The following RHPN2 variants were observed in gnomAD, a reference collection of about 807,000 sequenced individuals.
RHPN2 encodes rhophilin-2.
RHPN2 carries 40 observed loss-of-function variants against 79.0 expected under a neutral mutation model. The observed-to-expected ratio is 0.51, with a 90% CI of 0.39 to 0.66. RHPN2 has a LOEUF of 0.66. Ranked by LOEUF, RHPN2 falls within the 30% of genes least tolerant of loss-of-function variation. The pLI, the probability that RHPN2 is intolerant of heterozygous loss-of-function variation, is 0.00. For synonymous variants in RHPN2, 285 were observed against 363.5 expected, an observed-to-expected ratio of 0.78 and a Z score of 2.46; for missense variants, 686 against 883.5, an observed-to-expected ratio of 0.78 and a Z score of 2.83.
chr19:32,990,164 AGAGC>A lies in RHPN2; in HGVS notation c.1800+346_1800+349del, dbSNP rs140020786. ...AAGAAAGAAAGAAAGAAAGAAAGAA[AGAGC>A]GAGCCAGGGGTGGTAGTGGGTGCCT... On this transcript the variant is annotated intron_variant, in intron 14 of 14. Coordinates refer to ENST00000254260, the MANE Select transcript of RHPN2 (RefSeq NM_033103.5). 2.6e-3 allele frequency among the ~76,000 whole-genome samples: 125 copies of A among 48,014 alleles called. 1 individual carries two copies. Among genetic ancestry groups the A allele is most frequent in the African/African-American group, 0.011 (90 of 8,010 alleles). 31.5% of individuals were successfully genotyped at this position (48,014 alleles called of 152,430 possible). A position where few individuals can be genotyped will look rare whatever the true frequency, so the allele number is the denominator to read the frequency against.
intron 14 of RHPN2, among the ~76,000 whole-genome samples, chr19:32,984,596 T>C (rs1971600969): frequency 1.3e-5 from 2 of 151,838 alleles, no homozygotes; most frequent in Non-Finnish European, 2.9e-5. Flanking sequence ...GAGGTGAGGT[T>C]GCAGTGAGCC....
At chr19:33,006,761 TAGGTGTA>T in intron 7 of RHPN2, among the ~76,000 whole-genome samples, 1 of 152,352 alleles carries the variant, frequency 6.6e-6, no homozygotes, top group African/African-American at 2.4e-5. Flanking sequence ...CAGTCCTCTA[TAGGTGTA>T]AGCACTAGGC....
chr19:32,984,939 C>G (rs1284261136), intron 14 of RHPN2, among the ~76,000 whole-genome samples: 1 of 151,892 alleles, frequency 6.6e-6, no homozygotes. Flanking sequence ...GAGACTGTCA[C>G]TACAAAAAAA....
At chr19:33,034,013 T>G (rs73039434) in intron 2 of RHPN2, among the ~76,000 whole-genome samples, 19,354 of 151,586 alleles carry the variant, frequency 0.13, 1,771 homozygotes, top group South Asian at 0.24. Context: ...CCCCCTCCCA[T>G]CTTGGCAAAA....
At chr19:32,992,420 A>AC (rs1971667752) in intron 12 of RHPN2, among the ~76,000 whole-genome samples, 1 of 151,640 alleles carries the variant, frequency 6.6e-6, no homozygotes, top group Non-Finnish European at 1.5e-5. Flanking sequence ...CAAACTCCTG[A>AC]CCTCAGGTGA....
intron 2 of RHPN2, among the ~76,000 whole-genome samples, chr19:33,031,300 ACC>A: frequency 7.6e-6 from 1 of 131,668 alleles, no homozygotes; most frequent in Admixed American, 7.5e-5. Flanking sequence ...TTGTTTTGTC[ACC>A]CAGGCTGGAG....
At chr19:33,028,770 C>CA (rs1196709693) in intron 2 of RHPN2, among the ~76,000 whole-genome samples, 5 of 150,994 alleles carry the variant, frequency 3.3e-5, no homozygotes, top group Non-Finnish European at 7.4e-5. Flanking sequence ...TATGGAAATG[C>CA]AAAAAAAACC....
Position 33,064,114 on chromosome 19 carries a change from C to A in RHPN2, c.69+670G>T, listed in dbSNP as rs979606755. 2.6e-5 allele frequency among the ~76,000 whole-genome samples: 4 copies of A among 152,206 alleles called. No individual in the cohort carries two copies. In the South Asian group the frequency reaches 8.3e-4, roughly 32 times the overall value. ...ATCCCAGCACTTTGAGAGACCGGGGCGGGAGGATCCCTTGAGCCCAAGAGT... is the reference window on the plus strand; with the variant it reads ...ATCCCAGCACTTTGAGAGACCGGGGAGGGAGGATCCCTTGAGCCCAAGAGT... On this transcript the variant is annotated intron_variant, in intron 1 of 14. Coordinates refer to ENST00000254260, the MANE Select transcript of RHPN2 (RefSeq NM_033103.5).
chr19:33,002,293 C>T lies in RHPN2; in HGVS notation c.1059G>A (p.Ala353=), dbSNP rs769931982. 13 of 1,613,624 alleles carry T rather than the reference C, an allele frequency of 8.1e-6. No individual in the cohort carries two copies. The highest frequency in any genetic ancestry group is 4.5e-5 in the East Asian group (2 of 44,878). ...SLACVKAHHY[A]ALAHYFTAIL... is the part of the protein sequence containing the mutation. ...TGGCAGTGAAGTAGTGGGCCAGGGC[C>T]GCGTAGTGGTGGGCCTTCACGCAGG... Residue 353 remains alanine, a synonymous_variant, in exon 9 of 15, where the codon GCG becomes GCA. Coordinates refer to ENST00000254260, the MANE Select transcript of RHPN2 (RefSeq NM_033103.5).
At position 33,011,774 on chromosome 19, in the gene RHPN2, G is replaced by C; in HGVS notation, c.498C>G (p.Ala166=). 1 of 1,613,960 alleles carries C rather than the reference G, an allele frequency of 6.2e-7. No homozygotes were observed. Among genetic ancestry groups the C allele is most frequent in the South Asian group, 1.1e-5 (1 of 91,082 alleles). The stretch of plus-strand genomic sequence containing the variant: ...AGTATGTCATCAGCAGTTCCACCCC[G>C]GCCTCATCCCGGCTAGGCGTCCGAC... ...QACRTPSRDE[A]GVELLMTYFI... The change falls in exon 6 of 15, where the codon GCC becomes GCG. Residue 166 remains alanine, a synonymous_variant. Transcript: ENST00000254260.
In RHPN2 at chr19:33,064,792, A is replaced by C. The variant is rs1972313883; in HGVS notation, c.61T>G (p.Phe21Val). The change falls in exon 1 of 15, where the codon TTT (phenylalanine) becomes GTT (valine). Residue 21 changes from phenylalanine (F) to valine (V), a missense_variant. Phe to Val is a conservative substitution (Grantham distance 50, BLOSUM62 -1). Transcript: ENST00000254260. ...CGCCCGAAGCCGCCCACCTTCCGAAAGTAGCCGTCGTTCTCCTTCTCCAGC... is the reference window on the plus strand; with the variant it reads ...CGCCCGAAGCCGCCCACCTTCCGAACGTAGCCGTCGTTCTCCTTCTCCAGC... ...QPLEKENDGYFRKGCNPLAQT... is the reference protein window; with the variant it reads ...QPLEKENDGYVRKGCNPLAQT... The C allele has an allele frequency of 7.3e-7, 1 of 1,364,750 alleles. No individual in the cohort carries two copies. Among genetic ancestry groups the C allele is most frequent in the African/African-American group, 1.5e-5 (1 of 65,140 alleles). The allele number at this position is 1,364,750 out of a possible 1,614,324, so 84.5% of individuals were successfully genotyped here.
At chr19:32,990,024 G>A (rs1971641941) in intron 14 of RHPN2, among the ~76,000 whole-genome samples, 1 of 151,982 alleles carries the variant, frequency 6.6e-6, no homozygotes, top group Non-Finnish European at 1.5e-5. Flanking sequence ...AGAATGGTGT[G>A]AACCCGGAAG....
chr19:33,034,410 C>A (rs1324210527), intron 2 of RHPN2, among the ~76,000 whole-genome samples: 1 of 151,314 alleles, frequency 6.6e-6, no homozygotes, highest in Non-Finnish European at 1.5e-5. Flanking sequence ...TCAAGACCAT[C>A]CTGGCTAACA....
chr19:33,057,120 A>C (rs1268034107), intron 1 of RHPN2, among the ~76,000 whole-genome samples: 3 of 56,664 alleles, frequency 5.3e-5, no homozygotes, highest in Non-Finnish European at 8.6e-5. Context: ...ACTCTGTCTC[A>C]AAAAAAAAAA....
intron 2 of RHPN2, among the ~76,000 whole-genome samples, chr19:33,034,025 A>AT (rs200075991): frequency 1.4e-4 from 20 of 146,560 alleles, no homozygotes; most frequent in Admixed American, 2.7e-4. Flanking sequence ...TTGGCAAAAC[A>AT]TTTTTTTTTT....
intron 7 of RHPN2, among the ~76,000 whole-genome samples, chr19:33,007,487 C>CATAA (rs58950332): frequency 0.083 from 12,242 of 147,954 alleles, 558 homozygotes; most frequent in African/African-American, 0.13. Context: ...AACTCCATCT[C>CATAA]ATAAATAAAT....
At chr19:33,018,337 AAGAGAG>A (rs1163984674) in intron 4 of RHPN2, among the ~76,000 whole-genome samples, 1 of 150,528 alleles carries the variant, frequency 6.6e-6, no homozygotes, top group African/African-American at 2.4e-5. Context: ...TCAAAAAAAA[AAGAGAG>A]AGAGAGAGAG....
chr19:32,999,915 G>A (rs1971735737), intron 9 of RHPN2, among the ~76,000 whole-genome samples: 1 of 152,102 alleles, frequency 6.6e-6, no homozygotes, highest in South Asian at 2.1e-4. Context: ...CTGTTACCAG[G>A]CTGGAGTGCA....
intron 2 of RHPN2, among the ~76,000 whole-genome samples, chr19:33,037,346 A>C (rs1972066653): frequency 6.6e-6 from 1 of 152,156 alleles, no homozygotes; most frequent in African/African-American, 2.4e-5. Flanking sequence ...GCACCCTGTC[A>C]AAACAGACCA....
Sources: gnomAD v4.1 joint callset for allele counts (sites outside exome capture counted in the v4.1 genomes callset) on GRCh38, gnomAD v4.1.1 for gene constraint, MANE v1.5 for transcripts, NCBI Gene and HGNC (gene_info 2026-07-23, HGNC 2026-07-21) for gene names.